KIFC1: variants seen among roughly 807,000 people sequenced by gnomAD.
The protein encoded by KIFC1 is kinesin-like protein KIFC1.
A neutral mutation model predicts 66.6 loss-of-function variants in KIFC1; 37 were observed. That is an observed-to-expected ratio of 0.56 (90% CI 0.43 to 0.73). The LOEUF (loss-of-function observed/expected upper bound fraction) is 0.73. Among genes scored for constraint, KIFC1 ranks in the 30% least tolerant of loss-of-function variants. The pLI, the probability that KIFC1 is intolerant of heterozygous loss-of-function variation, is 0.00. For missense variants in KIFC1, 721 were observed against 859.8 expected, an observed-to-expected ratio of 0.84 and a Z score of 2.02; for synonymous variants, 325 against 343.5, an observed-to-expected ratio of 0.95 and a Z score of 0.60.
chr6:33,401,681 A>G lies in KIFC1; in HGVS notation c.251-1633A>G, dbSNP rs1259948755. On this transcript the variant is annotated intron_variant, in intron 3 of 10. Coordinates refer to ENST00000428849, the MANE Select transcript of KIFC1 (RefSeq NM_002263.4). This position sits in a 1 kb window ranked among gnomAD's most constrained non-coding sequence, Gnocchi z 4.5. ...ACATGGAGATGTGACTTCCTGTGAT[A>G]ACAATGCTTTCTTCTGGATTGCCTT... is the stretch of plus-strand genomic sequence containing the variant. Among the ~76,000 whole-genome samples, 2 of 148,266 alleles carry G rather than the reference A, an allele frequency of 1.3e-5. No individual in the cohort carries two copies. Among genetic ancestry groups the G allele is most frequent in the Non-Finnish European group, 3.0e-5 (2 of 67,646 alleles).
Position 33,398,121 on chromosome 6 carries a change from C to G in KIFC1, c.105C>G (p.Leu35=), listed in dbSNP as rs1562829095. ...AGCTGCCTCTCTCAGGAAGCAGACT[C>G]AAGAGGAGGCCTGACCAGATGGAAG... ...PSQLPLSGSR[L]KRRPDQMEDG... The change falls in exon 2 of 11, where the codon CTC becomes CTG. Residue 35 remains leucine, a synonymous_variant. Coordinates refer to ENST00000428849, the MANE Select transcript of KIFC1 (RefSeq NM_002263.4). The G allele has an allele frequency of 6.8e-6, 11 of 1,614,150 alleles. No homozygotes were observed. Among genetic ancestry groups the G allele is most frequent in the Non-Finnish European group, 9.3e-6 (11 of 1,180,024 alleles).
At chr6:33,398,544 A>G (rs1026571291) in intron 3 of KIFC1, among the ~76,000 whole-genome samples, 157 bp downstream of exon 3, 1 of 151,988 alleles carries the variant, frequency 6.6e-6, no homozygotes, top group African/African-American at 2.4e-5. Flanking sequence ...ACTCACTGCA[A>G]CCTCCTCCTC....
Position 33,405,423 on chromosome 6 carries a change from C to G in KIFC1, c.1328C>G (p.Ser443Cys), listed in dbSNP as rs147520254. The G allele has an allele frequency of 6.1e-5, 98 of 1,604,436 alleles. No individual in the cohort carries two copies. The African/African-American group carries it at 1.1e-3, about 17-fold the overall frequency. The change falls in exon 7 of 11, where the codon TCT becomes TGT. Residue 443 changes from serine (S) to cysteine (C), a missense_variant. Transcript: ENST00000428849. The surrounding 1 kb of genome is among the most constrained non-coding windows in gnomAD (Gnocchi z 5.4). ...LIPRALRHLF[S>C]VAQELSGQGW... ...CCTCGGGCCCTGCGGCACCTCTTCT[C>G]TGTGGCTCAGGAGCTGAGTGGTCAG...
rs984293356 is a variant in KIFC1, at chr6:33,407,093, A to G, written c.1977+218A>G. 320 of 1,398,748 alleles carry G rather than the reference A, an allele frequency of 2.3e-4. 1 individual carries two copies. The highest frequency in any genetic ancestry group is 2.9e-4 in the Non-Finnish European group (307 of 1,074,878). The allele number at this position is 1,398,748 out of a possible 1,614,324, so 86.6% of individuals were successfully genotyped here. A position where few individuals can be genotyped will look rare whatever the true frequency, so the allele number is the denominator to read the frequency against. ...AATTTAACCTGAGAAAGCTGATTAA[A>G]AAAAAAAGAAAAGGTGACTAAAAGG... is the stretch of plus-strand genomic sequence containing the variant. On this transcript the variant is annotated intron_variant, in intron 10 of 10. Transcript: ENST00000428849.
chr6:33,402,147 G>A (rs1775405272), intron 3 of KIFC1, among the ~76,000 whole-genome samples: 1 of 152,114 alleles, frequency 6.6e-6, no homozygotes, highest in Admixed American at 6.5e-5. Context: ...TCATTATTAG[G>A]TATTATGTAC....
In KIFC1 at chr6:33,403,322, G is replaced by A. The variant is rs760616395; in HGVS notation, c.259G>A (p.Val87Ile). 3 of 1,613,448 alleles carry A rather than the reference G, an allele frequency of 1.9e-6. No homozygotes were observed. The highest frequency in any genetic ancestry group is 2.5e-6 in the Non-Finnish European group (3 of 1,180,002). ...QTQGQTTAQKVSKKTGPRCST... is the reference protein window; with the variant it reads ...QTQGQTTAQKISKKTGPRCST... The stretch of plus-strand genomic sequence containing the variant: ...TCCCATCTCCTGGGCAGCTCAAAAA[G>A]TTTCCAAGAAGACAGGACCCCGGTG... Residue 87 changes from valine to isoleucine, a missense_variant, in exon 4 of 11, where the codon GTT (valine) becomes ATT (isoleucine). Coordinates refer to ENST00000428849, the MANE Select transcript of KIFC1 (RefSeq NM_002263.4). The surrounding 1 kb of genome is among the most constrained non-coding windows in gnomAD (Gnocchi z 4.6).
chr6:33,409,751 GTGTCCCTATGTCTA>G lies in KIFC1; in HGVS notation c.*65_*78del. 4.0e-6 allele frequency: 5 copies of G among 1,235,606 alleles called. No individual in the cohort carries two copies. Among genetic ancestry groups the G allele is most frequent in the Non-Finnish European group, 5.7e-6 (5 of 880,984 alleles). The allele number at this position is 1,235,606 out of a possible 1,614,324, so 76.5% of individuals were successfully genotyped here. ...TGTGTGTGTGTGTGTGTGTGTGTGT[GTGTCCCTATGTCTA>G]TGTATCGGGTGAGGGGTGGGAGGGT... On this transcript the variant is annotated 3_prime_UTR_variant, in exon 11 of 11. Transcript: ENST00000428849.
At position 33,406,066 on chromosome 6, in the gene KIFC1, G is replaced by T. The variant is rs1048724715; in HGVS notation, c.1537-130G>T. On this transcript the variant is annotated intron_variant, in intron 7 of 10. Coordinates refer to ENST00000428849, the MANE Select transcript of KIFC1 (RefSeq NM_002263.4). The surrounding 1 kb of genome is among the most constrained non-coding windows in gnomAD (Gnocchi z 4.5). ...TCCTTACCATTTTCAGACATACTGT[G>T]CATCTTATTTTGTTTCTTGACAGGC... 1.2e-5 allele frequency: 10 copies of T among 815,004 alleles called. No individual in the cohort carries two copies. Among genetic ancestry groups the T allele is most frequent in the African/African-American group, 5.2e-5 (3 of 57,960 alleles). The allele number at this position is 815,004 out of a possible 1,614,324, so 50.5% of individuals were successfully genotyped here. A position where few individuals can be genotyped will look rare whatever the true frequency, so the allele number is the denominator to read the frequency against.
At position 33,405,250 on chromosome 6, in the gene KIFC1, T is replaced by C; in HGVS notation, c.1155T>C (p.Asp385=). Residue 385 remains aspartate, a synonymous_variant, in exon 7 of 11, where the codon GAT becomes GAC. Coordinates refer to ENST00000428849, the MANE Select transcript of KIFC1 (RefSeq NM_002263.4). This position sits in a 1 kb window ranked among gnomAD's most constrained non-coding sequence, Gnocchi z 5.4. ...DRVFPPGSGQ[D]EVFEEIAMLV... is the part of the protein sequence containing the mutation. Reference sequence around the variant, plus strand: ...TATTCCCACCAGGAAGTGGACAGGATGAAGTGTTTGAAGAGATTGCCATGC... The same window carrying C: ...TATTCCCACCAGGAAGTGGACAGGACGAAGTGTTTGAAGAGATTGCCATGC... The C allele has an allele frequency of 6.2e-7, 1 of 1,614,150 alleles. No individual in the cohort carries two copies. The highest frequency in any genetic ancestry group is 8.5e-7 in the Non-Finnish European group (1 of 1,180,010).
rs1374950352 is a variant in KIFC1, at chr6:33,406,058, C to A, written c.1537-138C>A. 4 of 776,960 alleles carry A rather than the reference C, an allele frequency of 5.1e-6. No individual in the cohort carries two copies. The highest frequency in any genetic ancestry group is 8.2e-6 in the Non-Finnish European group (4 of 490,226). 48.1% of individuals were successfully genotyped at this position (776,960 alleles called of 1,614,324 possible). On this transcript the variant is annotated intron_variant, in intron 7 of 10. Coordinates refer to ENST00000428849, the MANE Select transcript of KIFC1 (RefSeq NM_002263.4). This position sits in a 1 kb window ranked among gnomAD's most constrained non-coding sequence, Gnocchi z 4.5. ...CTATGTATTCCTTACCATTTTCAGA[C>A]ATACTGTGCATCTTATTTTGTTTCT...
At chr6:33,396,442 T>C (rs1369942710) in intron 1 of KIFC1, among the ~76,000 whole-genome samples, 25 of 119,924 alleles carry the variant, frequency 2.1e-4, no homozygotes, top group East Asian at 6.2e-4. Context: ...TTTTCTTTTT[T>C]TTTTTTTTTT....
chr6:33,404,955 A>C lies in KIFC1; in HGVS notation c.860A>C (p.Glu287Ala). 6.2e-7 allele frequency: 1 copy of C among 1,614,124 alleles called. No individual in the cohort carries two copies. The highest frequency in any genetic ancestry group is 1.1e-5 in the South Asian group (1 of 91,084). ...VAQAALLTER[E>A]ERLHGLEMER... ...CAGGCAGCCTTACTGACTGAGCGGG[A>C]AGAACGTCTTCATGGGCTAGAAATG... The change falls in exon 7 of 11, where the codon GAA becomes GCA. Residue 287 changes from glutamate (E) to alanine (A), a missense_variant. By Grantham distance (107) the Glu-to-Ala change is moderately radical. Transcript: ENST00000428849. This position sits in a 1 kb window ranked among gnomAD's most constrained non-coding sequence, Gnocchi z 4.0.
intron 1 of KIFC1, among the ~76,000 whole-genome samples, chr6:33,395,830 T>G (rs2151082559): frequency 6.6e-6 from 1 of 152,354 alleles, no homozygotes; most frequent in South Asian, 2.1e-4. Context: ...TACACTAAAT[T>G]AAAATAAGCT....
rs1775823311 is a variant in KIFC1 at position 33,409,632 on chromosome 6, C to A, written c.1978-14C>A. The A allele has an allele frequency of 6.2e-7, 1 of 1,613,114 alleles. No individual in the cohort carries two copies. Among genetic ancestry groups the A allele is most frequent in the Non-Finnish European group, 8.5e-7 (1 of 1,179,320 alleles). On this transcript the variant is annotated splice_polypyrimidine_tract_variant and intron_variant, in intron 10 of 10. Coordinates refer to ENST00000428849, the MANE Select transcript of KIFC1 (RefSeq NM_002263.4). ...CGCTGCAAACTTTTATCCTGTCTAACCCCCTGCCCCCAGGTGAACCAGTGT... is the reference window on the plus strand; with the variant it reads ...CGCTGCAAACTTTTATCCTGTCTAAACCCCTGCCCCCAGGTGAACCAGTGT...
chr6:33,394,800 G>A (rs1365925643), intron 1 of KIFC1, among the ~76,000 whole-genome samples: 1 of 152,216 alleles, frequency 6.6e-6, no homozygotes, highest in Admixed American at 6.5e-5. Flanking sequence ...CGATGTTGAC[G>A]ATGCAGTTCA....
Position 33,403,835 on chromosome 6 carries a change from T to G in KIFC1, c.462T>G (p.Arg154=). 6.2e-7 allele frequency: 1 copy of G among 1,614,234 alleles called. No homozygotes were observed. The highest frequency in any genetic ancestry group is 8.5e-7 in the Non-Finnish European group (1 of 1,180,050). ...TAAATGCAGAACTAAAACGGTGCCG[T>G]GAGAGGACTCAAACGTTGGACCAAG... ...CDLNAELKRC[R]ERTQTLDQEN... The change falls in exon 6 of 11, where the codon CGT becomes CGG. Residue 154 remains arginine, a synonymous_variant. Coordinates refer to ENST00000428849, the MANE Select transcript of KIFC1 (RefSeq NM_002263.4). The surrounding 1 kb of genome is among the most constrained non-coding windows in gnomAD (Gnocchi z 4.6).
chr6:33,400,216 C>T lies in KIFC1; in HGVS notation c.250+1829C>T, dbSNP rs554462128. 26 of 1,561,310 alleles carry T rather than the reference C, an allele frequency of 1.7e-5. No individual in the cohort carries two copies. Among genetic ancestry groups the T allele is most frequent in the South Asian group, 2.2e-5 (2 of 90,266 alleles). On this transcript the variant is annotated intron_variant, in intron 3 of 10. Coordinates refer to ENST00000428849, the MANE Select transcript of KIFC1 (RefSeq NM_002263.4). The surrounding 1 kb of genome is among the most constrained non-coding windows in gnomAD (Gnocchi z 4.3). ...GGCTAAGGATCGGTGCCGCATCTGT[C>T]GAGCAATGTTGACGATCTCATCAAA... is the stretch of plus-strand genomic sequence containing the variant.
intron 1 of KIFC1, among the ~76,000 whole-genome samples, chr6:33,397,605 C>A (rs903202598): frequency 1.3e-5 from 2 of 152,200 alleles, no homozygotes; most frequent in Non-Finnish European, 1.5e-5. Context: ...CCAGGTGAAA[C>A]ATTTCAAACA....
At position 33,405,007 on chromosome 6, in the gene KIFC1, G is replaced by T; in HGVS notation, c.912G>T (p.Leu304=). ...AGCGCCGGCGACTGCACAACCAGCT[G>T]CAGGAACTCAAGGGCAACATCCGTG... ...EMERRRLHNQ[L]QELKGNIRVF... Residue 304 remains leucine (L), a synonymous_variant, in exon 7 of 11, where the codon CTG becomes CTT. Coordinates refer to ENST00000428849, the MANE Select transcript of KIFC1 (RefSeq NM_002263.4). The surrounding 1 kb of genome is among the most constrained non-coding windows in gnomAD (Gnocchi z 5.4). The T allele has an allele frequency of 1.2e-6, 2 of 1,614,124 alleles. No individual in the cohort carries two copies. Among genetic ancestry groups the T allele is most frequent in the South Asian group, 2.2e-5 (2 of 91,086 alleles).
Sources: gnomAD v4.1 joint callset for allele counts (sites outside exome capture counted in the v4.1 genomes callset) on GRCh38, gnomAD v4.1.1 for gene constraint, Gnocchi (gnomAD v3.1) non-coding constraint, MANE v1.5 for transcripts, NCBI Gene and HGNC (gene_info 2026-07-23, HGNC 2026-07-21) for gene names.